Variants in MINAR2 observed in about 807,000 individuals in gnomAD.
MINAR2 encodes the protein major intrinsically disordered NOTCH2-binding receptor 1-like.
A neutral mutation model predicts 16.1 loss-of-function variants in MINAR2; 21 were observed. That is an observed-to-expected ratio of 1.31 (90% CI 0.93 to 1.88). The LOEUF is 1.88. MINAR2 is among the 40% of genes most tolerant of loss of function. The pLI is 0.00. For synonymous variants in MINAR2, 86 were observed against 83.0 expected, an observed-to-expected ratio of 1.04 and a Z score of -0.20; for missense variants, 259 against 229.8, an observed-to-expected ratio of 1.13 and a Z score of -0.82.
At chr5:129,751,529 G>A (rs186349260) in intron 1 of MINAR2, among the ~76,000 whole-genome samples, 2 of 152,210 alleles carry the variant, frequency 1.3e-5, no homozygotes, top group Admixed American at 6.5e-5. Context: ...AATAAGCAGT[G>A]ATGGTCTCAG....
At chr5:129,764,600 C>A (rs180971569) in intron 2 of MINAR2, among the ~76,000 whole-genome samples, 9 of 152,278 alleles carry the variant, frequency 5.9e-5, no homozygotes, top group Non-Finnish European at 1.0e-4. Flanking sequence ...CTGATGTGAG[C>A]AATTTAATTA....
chr5:129,757,468 T>C (rs1463846813), intron 1 of MINAR2, among the ~76,000 whole-genome samples: 1 of 152,034 alleles, frequency 6.6e-6, no homozygotes, highest in Non-Finnish European at 1.5e-5. Context: ...ATTTAATTCA[T>C]TTTTTGAAAT....
intron 2 of MINAR2, among the ~76,000 whole-genome samples, chr5:129,762,875 G>A (rs952739400): frequency 1.3e-5 from 2 of 152,132 alleles, no homozygotes; most frequent in African/African-American, 2.4e-5. Flanking sequence ...ATTCCCAAAG[G>A]TATAGATGGT....
chr5:129,760,324 C>T (rs1758115775), intron 1 of MINAR2, 54 bp from the exon 2 acceptor site: 1 of 1,311,734 alleles, frequency 7.6e-7, no homozygotes, highest in Non-Finnish European at 1.1e-6. Flanking sequence ...ACATTGCATT[C>T]CCTACTATCA....
chr5:129,761,989 G>T (rs1581293568), intron 2 of MINAR2, among the ~76,000 whole-genome samples: 1 of 151,886 alleles, frequency 6.6e-6, no homozygotes, highest in African/African-American at 2.4e-5. Flanking sequence ...ACAGGGAGGG[G>T]AACAACACAC....
At chr5:129,751,552 C>T (rs944548877) in intron 1 of MINAR2, among the ~76,000 whole-genome samples, 1 of 152,120 alleles carries the variant, frequency 6.6e-6, no homozygotes, top group African/African-American at 2.4e-5. Flanking sequence ...GATTCAGTAA[C>T]CAGGGACATT....
At chr5:129,749,302 C>T (rs1160232359) in intron 1 of MINAR2, among the ~76,000 whole-genome samples, 1 of 152,138 alleles carries the variant, frequency 6.6e-6, no homozygotes, top group African/African-American at 2.4e-5. Flanking sequence ...AGTTGCTACT[C>T]ATGAGTCCTG....
chr5:129,760,333 C>T, intron 1 of MINAR2, 45 bp from the exon 2 acceptor site: 3 of 1,419,140 alleles, frequency 2.1e-6, no homozygotes, highest in Non-Finnish European at 2.9e-6. Flanking sequence ...TCCCTACTAT[C>T]AGAAGGCCCG....
chr5:129,762,212 A>C (rs1758145671), intron 2 of MINAR2, among the ~76,000 whole-genome samples: 1 of 152,164 alleles, frequency 6.6e-6, no homozygotes, highest in Non-Finnish European at 1.5e-5. Context: ...CTCAAGATAC[A>C]CTTTACCTAT....
chr5:129,764,249 A>C (rs1165683602), intron 2 of MINAR2, among the ~76,000 whole-genome samples: 1 of 152,164 alleles, frequency 6.6e-6, no homozygotes, highest in East Asian at 1.9e-4. Flanking sequence ...GTGGGGAAGA[A>C]TATAATGGGT....
intron 2 of MINAR2, among the ~76,000 whole-genome samples, chr5:129,762,062 A>T (rs555304355): frequency 6.6e-6 from 1 of 152,084 alleles, no homozygotes; most frequent in Non-Finnish European, 1.5e-5. Flanking sequence ...TACCTAATGC[A>T]TGCGGGACTT....
Position 129,748,314 on chromosome 5 carries a change from T to C in MINAR2, c.124T>C (p.Tyr42His), listed in dbSNP as rs1249167780. Residue 42 changes from tyrosine to histidine, a missense_variant, in exon 1 of 3, where the codon TAT becomes CAT. Tyr to His is a moderately conservative substitution (Grantham distance 83). Transcript: ENST00000564719. The part of the protein sequence containing the change: ...ASLVRFPGGN[Y>H]PAAQHWQNLV... ...CCTGGTGAGGTTTCCGGGTGGAAAT[T>C]ATCCTGCTGCACAACACTGGCAAAA... is the stretch of plus-strand genomic sequence containing the variant. 5 of 1,535,070 alleles carry C rather than the reference T, an allele frequency of 3.3e-6. No homozygotes were observed. Among genetic ancestry groups the C allele is most frequent in the Non-Finnish European group, 4.4e-6 (5 of 1,146,562 alleles).
intron 2 of MINAR2, among the ~76,000 whole-genome samples, chr5:129,761,732 C>A (rs907291772): frequency 6.6e-6 from 1 of 152,014 alleles, no homozygotes; most frequent in Non-Finnish European, 1.5e-5. Flanking sequence ...AAAAAAAGTA[C>A]TGATTTATTT....
chr5:129,752,908 G>A (rs1278099427), intron 1 of MINAR2, among the ~76,000 whole-genome samples: 1 of 152,034 alleles, frequency 6.6e-6, no homozygotes, highest in Non-Finnish European at 1.5e-5. Context: ...CAGAATCAAG[G>A]AGCATTCCAG....
chr5:129,764,354 TC>T (rs1328893681), intron 2 of MINAR2, among the ~76,000 whole-genome samples: 1 of 152,146 alleles, frequency 6.6e-6, no homozygotes, highest in Non-Finnish European at 1.5e-5. Flanking sequence ...TGGAAGAGAC[TC>T]CTGACTTTTA....
intron 1 of MINAR2, among the ~76,000 whole-genome samples, chr5:129,757,340 C>T (rs1214806575): frequency 6.6e-6 from 1 of 151,952 alleles, no homozygotes; most frequent in South Asian, 2.1e-4. Flanking sequence ...AGCATTTAGT[C>T]AGTCACAACA....
At chr5:129,764,108 G>A (rs1020014760) in intron 2 of MINAR2, among the ~76,000 whole-genome samples, 1 of 152,210 alleles carries the variant, frequency 6.6e-6, no homozygotes, top group African/African-American at 2.4e-5. Flanking sequence ...TTTTATAAAT[G>A]TATGGACAAT....
At chr5:129,755,363 T>C (rs1019807765) in intron 1 of MINAR2, among the ~76,000 whole-genome samples, 2 of 152,060 alleles carry the variant, frequency 1.3e-5, no homozygotes, top group Non-Finnish European at 2.9e-5. Flanking sequence ...CTGGGGATTG[T>C]TCCTTTTCCT....
intron 2 of MINAR2, among the ~76,000 whole-genome samples, chr5:129,761,708 C>T (rs1054957204): frequency 6.6e-6 from 1 of 152,070 alleles, no homozygotes; most frequent in Non-Finnish European, 1.5e-5. Context: ...TAAAAAGTCA[C>T]CCCTACTATT....
Sources: allele counts gnomAD v4.1 joint callset (sites outside exome capture counted in the v4.1 genomes callset), GRCh38; gene constraint gnomAD v4.1.1; transcripts MANE v1.5; gene names NCBI Gene and HGNC (gene_info 2026-07-23, HGNC 2026-07-21).